PHACTR1: variants seen among roughly 807,000 people sequenced by gnomAD.
The protein encoded by PHACTR1 is phosphatase and actin regulator 1.
In PHACTR1, 16 loss-of-function variants were observed where a neutral mutation model predicts 69.2. The ratio of observed to expected loss-of-function variants is 0.23; its 90% CI spans 0.16 to 0.35. The LOEUF is 0.35. Among genes scored for constraint, PHACTR1 ranks in the 10% least tolerant of loss-of-function variants. The pLI is 1.00. For missense variants in PHACTR1, 510 were observed against 734.7 expected (o/e 0.69, Z 3.54); for synonymous variants, 312 against 284.5 (o/e 1.10, Z -0.97).
intron 5 of PHACTR1, among the ~76,000 whole-genome samples, chr6:13,089,693 A>T (rs1251254144): frequency 6.6e-6 from 1 of 152,204 alleles, no homozygotes; most frequent in East Asian, 1.9e-4. Flanking sequence ...TGGAGTCCGG[A>T]TGATGCTTCT....
At chr6:13,143,058 T>C (rs1323920913) in intron 5 of PHACTR1, among the ~76,000 whole-genome samples, 1 of 152,136 alleles carries the variant, frequency 6.6e-6, no homozygotes, top group African/African-American at 2.4e-5. Flanking sequence ...CTCACTTATT[T>C]TGGAGAGCTA....
intron 4 of PHACTR1, among the ~76,000 whole-genome samples, chr6:12,835,848 G>A (rs765887300): frequency 6.6e-5 from 10 of 151,638 alleles, no homozygotes; most frequent in Non-Finnish European, 1.3e-4. Flanking sequence ...CAGGTTTTTG[G>A]GACACACACA....
intron 4 of PHACTR1, among the ~76,000 whole-genome samples, chr6:12,813,899 C>A (rs987059282): frequency 1.3e-5 from 2 of 152,174 alleles, no homozygotes; most frequent in African/African-American, 4.8e-5. Flanking sequence ...CAGGCCCTCA[C>A]CCCAGACCTA....
At chr6:13,224,179 G>T (rs747017157) in intron 8 of PHACTR1, among the ~76,000 whole-genome samples, 1 of 152,220 alleles carries the variant, frequency 6.6e-6, no homozygotes, top group Non-Finnish European at 1.5e-5. Context: ...ACAAACAGAA[G>T]ATGTGGCTTC....
At chr6:13,185,735 T>G (rs368398468) in intron 7 of PHACTR1, among the ~76,000 whole-genome samples, 3 of 152,342 alleles carry the variant, frequency 2.0e-5, no homozygotes, top group East Asian at 3.9e-4. Flanking sequence ...TTTCTCCAAC[T>G]TTGATAATAG....
At chr6:13,272,794 G>T in intron 10 of PHACTR1, 66 bp from the exon 11 acceptor site, 1 of 1,613,970 alleles carries the variant, frequency 6.2e-7, no homozygotes, top group South Asian at 1.1e-5. Context: ...TGCAAGGGCC[G>T]AGGAAATTAA....
intron 8 of PHACTR1, among the ~76,000 whole-genome samples, chr6:13,213,256 A>G (rs1352856468): frequency 6.6e-6 from 1 of 152,110 alleles, no homozygotes; most frequent in Non-Finnish European, 1.5e-5. Context: ...GTGGTCTTTA[A>G]CCTTTTATAT....
chr6:12,982,033 A>G (rs1795583535), intron 4 of PHACTR1, among the ~76,000 whole-genome samples: 1 of 152,100 alleles, frequency 6.6e-6, no homozygotes, highest in Non-Finnish European at 1.5e-5. Flanking sequence ...TCCCTTCCCA[A>G]ATCCCAATGA....
At chr6:12,927,305 A>G (rs1014542440) in intron 4 of PHACTR1, among the ~76,000 whole-genome samples, 1 of 152,188 alleles carries the variant, frequency 6.6e-6, no homozygotes, top group African/African-American at 2.4e-5. Context: ...TCTCTAGACT[A>G]TAAACTCTTT....
At position 13,239,165 on chromosome 6, in the gene PHACTR1, A is replaced by C. The variant is rs138099321; in HGVS notation, c.1391+8972A>C. ...TGGGTGGGGGTGGCTCAGGCCAGGG[A>C]GACTTCCCATAAAACTGGGAGGATT... On this transcript the variant is annotated intron_variant, in intron 10 of 14. Transcript: ENST00000332995. 4.1e-3 allele frequency among the ~76,000 whole-genome samples: 628 copies of C among 152,272 alleles called. 6 individuals are homozygous for C. Among genetic ancestry groups the C allele is most frequent in the African/African-American group, 0.015 (603 of 41,550 alleles).
intron 5 of PHACTR1, among the ~76,000 whole-genome samples, chr6:13,135,252 C>G (rs1821367887): frequency 6.6e-6 from 1 of 152,204 alleles, no homozygotes; most frequent in South Asian, 2.1e-4. Context: ...ACACTGAATC[C>G]GGTAGGGCAG....
chr6:13,097,519 C>T (rs1010428365), intron 5 of PHACTR1, among the ~76,000 whole-genome samples: 2 of 152,166 alleles, frequency 1.3e-5, no homozygotes, highest in African/African-American at 4.8e-5. Context: ...AGTTATTTTA[C>T]TTTTGAGCCT....
chr6:12,944,796 T>TATTTATTTATTTA (rs1194002732), intron 4 of PHACTR1, among the ~76,000 whole-genome samples: 1 of 151,212 alleles, frequency 6.6e-6, no homozygotes, highest in African/African-American at 2.4e-5. Context: ...TATTTTTTTT[T>TATTTATTTATTTA]TTTTGAGACG....
chr6:12,960,607 A>C (rs552335187), intron 4 of PHACTR1, among the ~76,000 whole-genome samples: 16 of 152,308 alleles, frequency 1.1e-4, no homozygotes, highest in Admixed American at 8.5e-4. Context: ...GGGAGGGTCC[A>C]ACAAGGACAA....
intron 4 of PHACTR1, 65 bp downstream of exon 4, chr6:12,749,855 C>A: frequency 2.1e-6 from 3 of 1,401,146 alleles, no homozygotes; most frequent in Non-Finnish European, 1.9e-6. Context: ...GGCTGTTGAG[C>A]CCCCGCCCCT....
chr6:12,755,618 A>T (rs1332853), intron 4 of PHACTR1, among the ~76,000 whole-genome samples: 10,229 of 152,138 alleles, frequency 0.067, 1,139 homozygotes, highest in African/African-American at 0.23. Flanking sequence ...TATTAGTTAT[A>T]TTTTTAATTT....
chr6:13,069,591 A>G (rs1809207038), intron 5 of PHACTR1, among the ~76,000 whole-genome samples: 1 of 151,876 alleles, frequency 6.6e-6, no homozygotes, highest in South Asian at 2.1e-4. Flanking sequence ...TTTTCTTTCC[A>G]TTCTTTCCCT....
In PHACTR1 at chr6:13,084,742, G is replaced by A. The variant is rs535935501; in HGVS notation, c.415+31213G>A. On this transcript the variant is annotated intron_variant, in intron 5 of 14. Transcript: ENST00000332995. The stretch of plus-strand genomic sequence containing the variant: ...ACAATGTATAAGAAGAGGGGGTGGC[G>A]TGAATAATGACATTCTAAGCTCACT... 7.0e-4 allele frequency among the ~76,000 whole-genome samples: 106 copies of A among 152,086 alleles called. 1 individual carries two copies. The highest frequency in any genetic ancestry group is 1.1e-3 in the Non-Finnish European group (78 of 67,976).
chr6:12,801,810 T>C (rs137957735), intron 4 of PHACTR1, among the ~76,000 whole-genome samples: 23 of 152,294 alleles, frequency 1.5e-4, no homozygotes, highest in African/African-American at 5.3e-4. Flanking sequence ...TCTGCCTCAG[T>C]TCTTCTCCAA....
Sources: allele counts gnomAD v4.1 joint callset (sites outside exome capture counted in the v4.1 genomes callset), GRCh38; gene constraint gnomAD v4.1.1; transcripts MANE v1.5; gene names NCBI Gene and HGNC (gene_info 2026-07-23, HGNC 2026-07-21).